ADGB: variants seen among roughly 807,000 people sequenced by gnomAD.
ADGB encodes the protein androglobin.
A neutral mutation model predicts 210.5 loss-of-function variants in ADGB; 172 were observed. The observed-to-expected ratio is 0.82, with a 90% confidence interval of 0.72 to 0.93. The LOEUF is 0.93. ADGB is among the 40% of genes least tolerant of loss of function. The probability of loss-of-function intolerance (pLI) is 0.00; values close to 1 mark genes in which losing one functional copy is unlikely to be tolerated. For missense variants in ADGB, 2,025 were observed against 1,964.8 expected (o/e 1.03, Z -0.58); for synonymous variants, 658 against 662.7 (o/e 0.99, Z 0.11).
intron 13 of ADGB, among the ~76,000 whole-genome samples, chr6:146,715,046 A>G (rs565173371): frequency 4.6e-5 from 7 of 152,296 alleles, no homozygotes; most frequent in Admixed American, 4.6e-4. Flanking sequence ...TAAGTTATCT[A>G]TATTAATAGC....
intron 8 of ADGB, among the ~76,000 whole-genome samples, chr6:146,673,904 A>T (rs1443808405): frequency 6.6e-6 from 1 of 152,156 alleles, no homozygotes; most frequent in Non-Finnish European, 1.5e-5. Flanking sequence ...AGGAGACAGT[A>T]TAGAGTGAGC....
chr6:146,619,126 GATAGAT>G (rs1780847555), intron 1 of ADGB, among the ~76,000 whole-genome samples: 1 of 147,528 alleles, frequency 6.8e-6, no homozygotes, highest in Admixed American at 6.8e-5. Flanking sequence ...TATATAGATA[GATAGAT>G]ATAGATATAT....
At chr6:146,749,476 C>T (rs1777288950) in intron 26 of ADGB, among the ~76,000 whole-genome samples, 2 of 152,122 alleles carry the variant, frequency 1.3e-5, no homozygotes, top group African/African-American at 2.4e-5. Context: ...ACAAAAGTTG[C>T]TGTGCTCATA....
At chr6:146,743,051 A>G (rs1473351101) in intron 25 of ADGB, among the ~76,000 whole-genome samples, 1 of 152,216 alleles carries the variant, frequency 6.6e-6, no homozygotes, top group Non-Finnish European at 1.5e-5. Context: ...CTACAGAGCT[A>G]GTTCTTCACG....
Position 146,724,196 on chromosome 6 carries a change from A to G in ADGB, c.2106A>G (p.Lys702=). 1 of 1,547,866 alleles carries G rather than the reference A, an allele frequency of 6.5e-7. No individual in the cohort carries two copies. Among genetic ancestry groups the G allele is most frequent in the Non-Finnish European group, 8.7e-7 (1 of 1,145,910 alleles). Residue 702 remains lysine, a synonymous_variant, in exon 18 of 36, where the codon AAA becomes AAG. Coordinates refer to ENST00000397944, the MANE Select transcript of ADGB (RefSeq NM_024694.4). ...TTACTTATCTTAAAGCCTTAACAAA[A>G]GACAGTCCTCCCATAGAGCCTGGAC... The part of the protein sequence containing the change: ...VRWGEYGALT[K]DSPPIEPGLL...
At chr6:146,739,791 T>G (rs1157916305) in intron 23 of ADGB, among the ~76,000 whole-genome samples, 5 of 152,160 alleles carry the variant, frequency 3.3e-5, no homozygotes, top group African/African-American at 1.2e-4. Context: ...AAAGGGCACA[T>G]CCAGTTTCTG....
intron 28 of ADGB, among the ~76,000 whole-genome samples, chr6:146,766,383 T>C (rs1479350765): frequency 2.0e-5 from 3 of 151,778 alleles, no homozygotes; most frequent in Admixed American, 1.3e-4. Context: ...GCCGAGATTG[T>C]ACCACTGCAT....
chr6:146,805,612 G>A (rs11964579), intron 35 of ADGB, among the ~76,000 whole-genome samples: 2,329 of 152,116 alleles, frequency 0.015, 39 homozygotes, highest in South Asian at 0.045. Context: ...TTTTGCCTAG[G>A]TGACTTTGCC....
chr6:146,644,614 TTAAA>T (rs1427007898), intron 2 of ADGB, among the ~76,000 whole-genome samples, 155 bp from the exon 3 acceptor site: 4 of 151,964 alleles, frequency 2.6e-5, no homozygotes, highest in African/African-American at 7.2e-5. Flanking sequence ...TCAGTATTCT[TTAAA>T]TACTCCATGA....
chr6:146,707,218 CTTCT>C (rs1009851221), intron 13 of ADGB, among the ~76,000 whole-genome samples: 2 of 152,014 alleles, frequency 1.3e-5, no homozygotes, highest in Admixed American at 1.3e-4. Flanking sequence ...TGATTTCAAT[CTTCT>C]TTAATTTGTT....
intron 13 of ADGB, 39 bp downstream of exon 13, chr6:146,701,109 G>A: frequency 6.5e-7 from 1 of 1,543,290 alleles, no homozygotes; most frequent in Non-Finnish European, 8.7e-7. Flanking sequence ...AACTCTTAAT[G>A]AGACAAGATT....
rs1776482322 is a variant in ADGB, at chr6:146,701,037, A to G, written c.1674A>G (p.Thr558=). 3.2e-6 allele frequency: 5 copies of G among 1,550,964 alleles called. No homozygotes were observed. Among genetic ancestry groups the G allele is most frequent in the Non-Finnish European group, 4.4e-6 (5 of 1,146,470 alleles). Residue 558 remains threonine (T), a synonymous_variant, in exon 13 of 36, where the codon ACA becomes ACG. Coordinates refer to ENST00000397944, the MANE Select transcript of ADGB (RefSeq NM_024694.4). ...ATGAAACTGCAACACATAGCCAGAC[A>G]GACTTGAGTCAAATAACAAAAGCTA... ...ETDETATHSQ[T]DLSQITKATS... is the part of the protein sequence containing the mutation.
intron 12 of ADGB, among the ~76,000 whole-genome samples, chr6:146,698,715 T>C (rs1776444882): frequency 6.6e-6 from 1 of 152,140 alleles, no homozygotes; most frequent in South Asian, 2.1e-4. Context: ...TGCAAATTAA[T>C]AAATCTAGTT....
intron 17 of ADGB, among the ~76,000 whole-genome samples, chr6:146,723,763 A>G (rs1776855136): frequency 6.6e-6 from 1 of 152,140 alleles, no homozygotes; most frequent in African/African-American, 2.4e-5. Context: ...TTTTTGATAA[A>G]CAGTGGGATA....
Position 146,620,133 on chromosome 6 carries a change from G to A in ADGB, c.75-15242G>A, listed in dbSNP as rs117444067. Among the ~76,000 whole-genome samples, 10 of 152,206 alleles carry A rather than the reference G, an allele frequency of 6.6e-5. No individual in the cohort carries two copies. In the East Asian group the frequency reaches 1.5e-3, roughly 23 times the overall value. Reference sequence around the variant, plus strand: ...TGACTTGCGGGATTTATGCTGAGAAGCCCCCTGAAAGTTATATTGGGACTC... The same window carrying A: ...TGACTTGCGGGATTTATGCTGAGAAACCCCCTGAAAGTTATATTGGGACTC... On this transcript the variant is annotated intron_variant, in intron 1 of 35. Transcript: ENST00000397944.
At chr6:146,723,774 T>C (rs889089066) in intron 17 of ADGB, among the ~76,000 whole-genome samples, 6 of 152,138 alleles carry the variant, frequency 3.9e-5, no homozygotes, top group Admixed American at 6.5e-5. Flanking sequence ...CAGTGGGATA[T>C]TTGGATTTAT....
rs183415528 is a variant in ADGB at position 146,715,246 on chromosome 6, T to C, written c.1708-136T>C. ...TAAAGTTAAAAACAAATTTTTTTGG[T>C]AGGTTTTAGTAAATTTTCCCAAAAA... On this transcript the variant is annotated intron_variant, in intron 13 of 35. Coordinates refer to ENST00000397944, the MANE Select transcript of ADGB (RefSeq NM_024694.4). 3.2e-4 allele frequency: 228 copies of C among 715,060 alleles called. 1 individual carries two copies. The highest frequency in any genetic ancestry group is 6.9e-5 in the Non-Finnish European group (30 of 434,264). The allele number at this position is 715,060 out of a possible 1,614,324, so 44.3% of individuals were successfully genotyped here. A position where few individuals can be genotyped will look rare whatever the true frequency, so the allele number is the denominator to read the frequency against.
intron 33 of ADGB, among the ~76,000 whole-genome samples, chr6:146,796,678 T>C (rs1055170726): frequency 1.3e-5 from 2 of 152,182 alleles, no homozygotes; most frequent in Non-Finnish European, 2.9e-5. Context: ...AGAATGAAAC[T>C]GTATCCTCAT....
intron 3 of ADGB, among the ~76,000 whole-genome samples, chr6:146,651,537 A>G (rs1030783829): frequency 6.6e-6 from 1 of 152,208 alleles, no homozygotes; most frequent in Non-Finnish European, 1.5e-5. Flanking sequence ...TAGGCGAAAC[A>G]TGTACCCGCG....
Sources: allele counts gnomAD v4.1 joint callset (sites outside exome capture counted in the v4.1 genomes callset), GRCh38; gene constraint gnomAD v4.1.1; transcripts MANE v1.5; gene names NCBI Gene and HGNC (gene_info 2026-07-23, HGNC 2026-07-21).